The following NCK2 variants were observed in gnomAD, a reference collection of about 807,000 sequenced individuals.
NCK2 encodes the protein NCK adaptor protein 2.
A neutral mutation model predicts 33.9 loss-of-function variants in NCK2; 16 were observed. The ratio of observed to expected loss-of-function variants is 0.47; its 90% CI spans 0.32 to 0.72. NCK2 has a LOEUF of 0.72. NCK2 is among the 30% of genes least tolerant of loss of function. The pLI, the probability that NCK2 is intolerant of heterozygous loss-of-function variation, is 0.03. For missense variants in NCK2, 418 were observed against 537.3 expected (o/e 0.78, Z 2.19); for synonymous variants, 273 against 239.9 (o/e 1.14, Z -1.27).
intron 2 of NCK2, among the ~76,000 whole-genome samples, chr2:105,847,680 T>TCCC: frequency 6.6e-6 from 1 of 152,064 alleles, no homozygotes; most frequent in Non-Finnish European, 1.5e-5. Flanking sequence ...GGGAGGAGAA[T>TCCC]TCACTGGATA....
chr2:105,851,245 G>T (rs1677053844), intron 2 of NCK2, among the ~76,000 whole-genome samples: 1 of 152,050 alleles, frequency 6.6e-6, no homozygotes, highest in African/African-American at 2.4e-5. Flanking sequence ...TGCTAAGTCG[G>T]TGTCCGGCAC....
intron 1 of NCK2, among the ~76,000 whole-genome samples, chr2:105,798,068 A>G (rs887243736): frequency 1.3e-5 from 2 of 152,194 alleles, no homozygotes; most frequent in African/African-American, 2.4e-5. Flanking sequence ...TTTAGACTCA[A>G]TATTAAATCA....
Position 105,881,932 on chromosome 2 carries a change from C to G in NCK2, c.831C>G (p.Ser277Arg). The change falls in exon 4 of 5, where the codon AGC (serine) becomes AGG (arginine). Residue 277 changes from serine to arginine, a missense_variant. Physicochemically the swap from Ser to Arg is moderately radical, Grantham distance 110. Transcript: ENST00000233154. ...TAAGCTACACCGGGCCCTCGTCCAG[C>G]GGGCGCTTCGCGGGCAGAGAGTGGT... is the stretch of plus-strand genomic sequence containing the variant. ...PQISYTGPSSSGRFAGREWYY... is the reference protein window; with the variant it reads ...PQISYTGPSSRGRFAGREWYY... 1 of 1,560,236 alleles carries G rather than the reference C, an allele frequency of 6.4e-7. No individual in the cohort carries two copies. Among genetic ancestry groups the G allele is most frequent in the South Asian group, 1.2e-5 (1 of 81,770 alleles).
In NCK2 at chr2:105,893,436, C is replaced by T. The variant is rs1030324529; in HGVS notation, c.*260C>T. The T allele has an allele frequency of 2.4e-5, 10 of 424,242 alleles. No homozygotes were observed. The highest frequency in any genetic ancestry group is 1.3e-3 in the Middle Eastern group (2 of 1,560). 26.3% of individuals were successfully genotyped at this position (424,242 alleles called of 1,614,324 possible). A position where few individuals can be genotyped will look rare whatever the true frequency, so the allele number is the denominator to read the frequency against. The stretch of plus-strand genomic sequence containing the variant: ...TATTCCTTTTCCATCGGAAGTGGCG[C>T]TCGTGCATTCAACTCGTTCCCGCTC... On this transcript the variant is annotated 3_prime_UTR_variant, in exon 5 of 5. Coordinates refer to ENST00000233154, the MANE Select transcript of NCK2 (RefSeq NM_003581.5).
intron 3 of NCK2, among the ~76,000 whole-genome samples, chr2:105,865,183 C>A (rs573774578): frequency 1.3e-4 from 20 of 152,258 alleles, no homozygotes; most frequent in African/African-American, 4.6e-4. Context: ...AGCGTTTTCC[C>A]AGCAAATGGG....
intron 1 of NCK2, among the ~76,000 whole-genome samples, chr2:105,746,901 C>T (rs1689305981): frequency 6.6e-6 from 1 of 152,166 alleles, no homozygotes; most frequent in Non-Finnish European, 1.5e-5. Flanking sequence ...GTGCCTGGCC[C>T]ACTTCCTGTC....
chr2:105,765,829 G>GTC (rs1558826662), intron 1 of NCK2, among the ~76,000 whole-genome samples: 38 of 151,904 alleles, frequency 2.5e-4, no homozygotes, highest in African/African-American at 8.7e-4. Context: ...GTGTGTGTGT[G>GTC]TGTAAGTCTG....
At chr2:105,759,938 G>T (rs1689714914) in intron 1 of NCK2, among the ~76,000 whole-genome samples, 1 of 152,114 alleles carries the variant, frequency 6.6e-6, no homozygotes. Context: ...TGTATCAAGG[G>T]TCCATGTGAT....
chr2:105,765,897 C>A (rs1254326274), intron 1 of NCK2, among the ~76,000 whole-genome samples: 1 of 151,284 alleles, frequency 6.6e-6, no homozygotes, highest in Non-Finnish European at 1.5e-5. Flanking sequence ...TCTAGGTAAG[C>A]CACACCCAAA....
intron 2 of NCK2, among the ~76,000 whole-genome samples, chr2:105,831,497 T>C (rs1676186838): frequency 6.6e-6 from 1 of 152,022 alleles, no homozygotes; most frequent in African/African-American, 2.4e-5. Flanking sequence ...TTCCCCTATA[T>C]TTTCTTCTAG....
At chr2:105,892,379 G>A (rs934112827) in intron 4 of NCK2, among the ~76,000 whole-genome samples, 1 of 152,190 alleles carries the variant, frequency 6.6e-6, no homozygotes, top group African/African-American at 2.4e-5. Flanking sequence ...ATTCCATAGT[G>A]AAGTGCTGTA....
chr2:105,774,928 C>T (rs1301326101), intron 1 of NCK2, among the ~76,000 whole-genome samples: 1 of 150,420 alleles, frequency 6.6e-6, no homozygotes, highest in Non-Finnish European at 1.5e-5. Flanking sequence ...GCACCGGTGG[C>T]TTATGCCTGT....
At chr2:105,852,130 A>G (rs1348236254) in intron 2 of NCK2, among the ~76,000 whole-genome samples, 1 of 152,180 alleles carries the variant, frequency 6.6e-6, no homozygotes, top group East Asian at 1.9e-4. Flanking sequence ...GGAGGTCCAC[A>G]GGCCTGGGCT....
intron 3 of NCK2, among the ~76,000 whole-genome samples, chr2:105,870,793 T>G (rs1677967791): frequency 6.6e-6 from 1 of 152,000 alleles, no homozygotes; most frequent in Non-Finnish European, 1.5e-5. Context: ...ATCCTGGAGT[T>G]ATTCCAGTCT....
At chr2:105,778,517 T>G (rs1366695944) in intron 1 of NCK2, among the ~76,000 whole-genome samples, 2 of 152,166 alleles carry the variant, frequency 1.3e-5, no homozygotes, top group Non-Finnish European at 2.9e-5. Context: ...GAAGAAGCCC[T>G]TGGTTCTGGG....
chr2:105,761,511 T>TGA (rs763509485), intron 1 of NCK2, among the ~76,000 whole-genome samples: 1 of 152,162 alleles, frequency 6.6e-6, no homozygotes, highest in Non-Finnish European at 1.5e-5. Flanking sequence ...TATACACAGA[T>TGA]GAGAGAGACT....
In NCK2 at chr2:105,893,331, C is replaced by G; in HGVS notation, c.*155C>G. 1 of 731,168 alleles carries G rather than the reference C, an allele frequency of 1.4e-6. No homozygotes were observed. The highest frequency in any genetic ancestry group is 2.2e-6 in the Non-Finnish European group (1 of 461,574). 45.3% of individuals were successfully genotyped at this position (731,168 alleles called of 1,614,324 possible). On this transcript the variant is annotated 3_prime_UTR_variant, in exon 5 of 5. Coordinates refer to ENST00000233154, the MANE Select transcript of NCK2 (RefSeq NM_003581.5). The stretch of plus-strand genomic sequence containing the variant: ...GCTTGGTCGGTTCGTCTCCCATTTG[C>G]CATCCAGGCCTCACACCCACACTCG...
At chr2:105,860,812 A>G (rs1677497542) in intron 3 of NCK2, among the ~76,000 whole-genome samples, 1 of 150,608 alleles carries the variant, frequency 6.6e-6, no homozygotes. Flanking sequence ...TGCATTTACC[A>G]GGATTGCCTC....
intron 1 of NCK2, among the ~76,000 whole-genome samples, chr2:105,770,165 A>T (rs1236903566): frequency 6.6e-6 from 1 of 152,058 alleles, no homozygotes; most frequent in Non-Finnish European, 1.5e-5. Context: ...TTGCAACAAG[A>T]AAAAGGATGG....
Sources: gnomAD v4.1 joint callset for allele counts (sites outside exome capture counted in the v4.1 genomes callset) on GRCh38, gnomAD v4.1.1 for gene constraint, MANE v1.5 for transcripts, NCBI Gene and HGNC (gene_info 2026-07-23, HGNC 2026-07-21) for gene names.